Variants in COL4A4 observed in about 807,000 individuals in gnomAD.
COL4A4 encodes the protein collagen alpha-4(IV) chain.
A neutral mutation model predicts 192.9 loss-of-function variants in COL4A4; 105 were observed. The ratio of observed to expected loss-of-function variants is 0.54; its 90% confidence interval spans 0.46 to 0.64. The LOEUF (loss-of-function observed/expected upper bound fraction) is 0.64, where lower values mean the gene tolerates loss of function less well. Among genes scored for constraint, COL4A4 ranks in the 30% least tolerant of loss-of-function variants. COL4A4 has a pLI of 0.00. For synonymous variants in COL4A4, 762 were observed against 769.9 expected (o/e 0.99, Z 0.17); for missense variants, 1,967 against 2,169.3 (o/e 0.91, Z 1.85).
chr2:227,104,018 G>T lies in COL4A4; in HGVS notation c.770C>A (p.Thr257Asn). 6.2e-7 allele frequency: 1 copy of T among 1,613,328 alleles called. No individual in the cohort carries two copies. ...AAAGTCAGGTGGCTCTACCAACAGG[G>T]TGGGTCCAGGAGAACCTTGCTGACC... Reference protein sequence around the residue: ...EVGQQGSPGPTLLVEPPDFCL... With the variant: ...EVGQQGSPGPNLLVEPPDFCL... Residue 257 changes from threonine to asparagine, a missense_variant, in exon 13 of 48, where the codon ACC (threonine) becomes AAC (asparagine). Transcript: ENST00000396625.
intron 6 of COL4A4, among the ~76,000 whole-genome samples, chr2:227,119,128 C>G (rs1263725873): frequency 6.6e-6 from 1 of 151,608 alleles, no homozygotes; most frequent in Non-Finnish European, 1.5e-5. Context: ...TAGGACTCAT[C>G]AGCAAATAAA....
At chr2:226,988,454 C>G in the COL4A4 span, 1 of 1,549,088 alleles carries the variant, frequency 6.5e-7, no homozygotes. Flanking sequence ...CTAAGGAATC[C>G]TTTGAGGCTG....
In COL4A4 at chr2:227,006,205, A is replaced by G. The variant is rs1962057160; in HGVS notation, c.*1120T>C. 6.6e-6 allele frequency: 1 copy of G among 152,632 alleles called. No individual in the cohort carries two copies. The highest frequency in any genetic ancestry group is 1.5e-5 in the Non-Finnish European group (1 of 68,030). The allele number at this position is 152,632 out of a possible 1,614,324, so 9.5% of individuals were successfully genotyped here. On this transcript the variant is annotated 3_prime_UTR_variant, in exon 48 of 48. Coordinates refer to ENST00000396625, the MANE Select transcript of COL4A4 (RefSeq NM_000092.5). ...TAAATGAATCTTCTTACCTAAGTTT[A>G]ATTAAATCGGCCCTTAATTTTCTCC... is the stretch of plus-strand genomic sequence containing the variant.
At position 227,052,416 on chromosome 2, in the gene COL4A4, T is replaced by C; in HGVS notation, c.2861-4A>G. 6.6e-7 allele frequency: 1 copy of C among 1,507,922 alleles called. No individual in the cohort carries two copies. The highest frequency in any genetic ancestry group is 9.2e-7 in the Non-Finnish European group (1 of 1,083,408). The allele number at this position is 1,507,922 out of a possible 1,614,324, so 93.4% of individuals were successfully genotyped here. A position where few individuals can be genotyped will look rare whatever the true frequency, so the allele number is the denominator to read the frequency against. On this transcript the variant is annotated splice_region_variant and splice_polypyrimidine_tract_variant and intron_variant, in intron 31 of 47. Transcript: ENST00000396625. ...TCTCCGGGAGGTCCTATGGCTCCTATGGATATTAATTATGCAAGAACAAAA... is the reference window on the plus strand; with the variant it reads ...TCTCCGGGAGGTCCTATGGCTCCTACGGATATTAATTATGCAAGAACAAAA...
rs370383308 is a variant in COL4A4, at chr2:227,059,466, A to T, written c.2322T>A (p.Gly774=). The T allele has an allele frequency of 2.0e-5, 32 of 1,613,576 alleles. No homozygotes were observed. Among genetic ancestry groups the T allele is most frequent in the Middle Eastern group, 3.3e-4 (2 of 6,084 alleles). ...CTTTTATCCCTGGCACTCCTGAAAG[A>T]CCCCTCTTTCCCGGGGGTCCCAGGT... ...FGHLGPPGKR[G]LSGVPGIKGP... The change falls in exon 28 of 48, where the codon GGT becomes GGA. Residue 774 remains glycine, a synonymous_variant. Coordinates refer to ENST00000396625, the MANE Select transcript of COL4A4 (RefSeq NM_000092.5).
At chr2:226,977,230 C>T in the COL4A4 span, among the ~76,000 whole-genome samples, 4 of 152,186 alleles carry the variant, frequency 2.6e-5, no homozygotes, top group Non-Finnish European at 4.4e-5. Context: ...GTCTCCCCTT[C>T]GGCAAGCTCC....
chr2:226,990,487 A>T, the COL4A4 span, among the ~76,000 whole-genome samples: 1 of 152,200 alleles, frequency 6.6e-6, no homozygotes, highest in Admixed American at 6.5e-5. Flanking sequence ...ACTGCATGGC[A>T]TAGTGCGTTC....
At chr2:227,097,482 A>G (rs1481244914) in intron 19 of COL4A4, among the ~76,000 whole-genome samples, 1 of 152,168 alleles carries the variant, frequency 6.6e-6, no homozygotes, top group Non-Finnish European at 1.5e-5. Flanking sequence ...TTTGAAAGCT[A>G]TTGGGTTAAT....
intron 40 of COL4A4, among the ~76,000 whole-genome samples, chr2:227,030,951 T>C (rs1968170732): frequency 6.6e-6 from 1 of 151,228 alleles, no homozygotes; most frequent in African/African-American, 2.4e-5. Flanking sequence ...GATGGATGGA[T>C]GGATGGATGG....
chr2:227,043,158 C>T lies in COL4A4; in HGVS notation c.3316G>A (p.Gly1106Ser), dbSNP rs1468072598. ...PGHFGASGEQ[G>S]LPGIQGPRGS... ...CTGGGCCCTTGAATACCAGGCAAGC[C>T]CTGCTCTCCGGATGCTCCAAAATGC... Residue 1106 changes from glycine to serine, a missense_variant, in exon 36 of 48, where the codon GGC (glycine) becomes AGC (serine). Gly to Ser is a moderately conservative substitution (Grantham distance 56). Transcript: ENST00000396625. 6.2e-7 allele frequency: 1 copy of T among 1,614,118 alleles called. No individual in the cohort carries two copies. The highest frequency in any genetic ancestry group is 8.5e-7 in the Non-Finnish European group (1 of 1,180,002).
chr2:227,125,970 T>C (rs1488506719), intron 4 of COL4A4, among the ~76,000 whole-genome samples: 1 of 152,080 alleles, frequency 6.6e-6, no homozygotes, highest in East Asian at 1.9e-4. Context: ...CTTTATAAAA[T>C]AATAAGGTAG....
chr2:226,987,415 A>G, the COL4A4 span, among the ~76,000 whole-genome samples: 1 of 152,176 alleles, frequency 6.6e-6, no homozygotes, highest in African/African-American at 2.4e-5. Flanking sequence ...CAAGGAGCAT[A>G]GCATGGCTGC....
chr2:227,112,852 T>C (rs1260531147), intron 8 of COL4A4, among the ~76,000 whole-genome samples: 1 of 152,256 alleles, frequency 6.6e-6, no homozygotes, highest in Non-Finnish European at 1.5e-5. Context: ...CATAATATTA[T>C]ATCTTCAAGG....
chr2:227,112,458 G>A (rs917598174), intron 8 of COL4A4, among the ~76,000 whole-genome samples: 6 of 151,864 alleles, frequency 4.0e-5, no homozygotes, highest in East Asian at 1.9e-4. Context: ...TTTAGTAGAC[G>A]GGGTTTCACC....
the COL4A4 span, among the ~76,000 whole-genome samples, chr2:226,986,676 AAAC>A: frequency 2.6e-5 from 4 of 152,246 alleles, no homozygotes; most frequent in African/African-American, 7.2e-5. Context: ...AAAAGTCAGG[AAAC>A]AACAGATGCT....
the COL4A4 span, among the ~76,000 whole-genome samples, chr2:226,979,843 G>A: frequency 1.3e-5 from 2 of 152,198 alleles, no homozygotes; most frequent in Admixed American, 1.3e-4. Flanking sequence ...AACCATCACA[G>A]CGGTTTAGGC....
chr2:227,094,430 A>G (rs1440331535), intron 19 of COL4A4, 141 bp from the exon 20 acceptor site: 1 of 755,498 alleles, frequency 1.3e-6, no homozygotes, highest in East Asian at 2.7e-5. Context: ...CATTATGCTA[A>G]GTGAAATAAG....
At chr2:227,094,097 T>G in intron 20 of COL4A4, 28 bp downstream of exon 20, 1 of 1,603,678 alleles carries the variant, frequency 6.2e-7, no homozygotes, top group Non-Finnish European at 8.5e-7. Flanking sequence ...GCATAAATGC[T>G]AATGGATATG....
intron 30 of COL4A4, among the ~76,000 whole-genome samples, chr2:227,055,382 C>A (rs1401391149): frequency 6.6e-6 from 1 of 151,586 alleles, no homozygotes; most frequent in Non-Finnish European, 1.5e-5. Flanking sequence ...GTGGCACATG[C>A]CTCTCAGGAG....
Sources: allele counts gnomAD v4.1 joint callset (sites outside exome capture counted in the v4.1 genomes callset), GRCh38; gene constraint gnomAD v4.1.1; transcripts MANE v1.5; gene names NCBI Gene and HGNC (gene_info 2026-07-23, HGNC 2026-07-21).